Variants in EIF5A observed in about 807,000 individuals in gnomAD.
EIF5A encodes the protein eukaryotic translation initiation factor 5A.
In EIF5A, 1 loss-of-function variant was observed where a neutral mutation model predicts 16.6. The ratio of observed to expected loss-of-function variants is 0.06; its 90% CI spans 0.02 to 0.28. The LOEUF (loss-of-function observed/expected upper bound fraction) is 0.28. EIF5A is among the 10% of genes least tolerant of loss of function. The probability of loss-of-function intolerance (pLI) is 1.00; values close to 1 mark genes in which losing one functional copy is unlikely to be tolerated. For missense variants in EIF5A, 29 were observed against 196.1 expected (o/e 0.15, Z 5.09); for synonymous variants, 80 against 73.6 (o/e 1.09, Z -0.44).
Position 7,307,655 on chromosome 17 carries a change from G to T in EIF5A, c.-119G>T. On this transcript the variant is annotated 5_prime_UTR_variant, in exon 1 of 6. Transcript: ENST00000336458. ...ACTAAGACCCGTGTGCAGCAGCGGC[G>T]GCGGCGGTAGAGGCGGCGGCGGCGG... 1 of 1,046,210 alleles carries T rather than the reference G, an allele frequency of 9.6e-7. No homozygotes were observed. Among genetic ancestry groups the T allele is most frequent in the Non-Finnish European group, 1.2e-6 (1 of 868,698 alleles). The allele number at this position is 1,046,210 out of a possible 1,614,324, so 64.8% of individuals were successfully genotyped here. A position where few individuals can be genotyped will look rare whatever the true frequency, so the allele number is the denominator to read the frequency against.
chr17:7,310,222 A>C (rs1217887139), intron 2 of EIF5A: 1 of 1,290,558 alleles, frequency 7.7e-7, no homozygotes, highest in Non-Finnish European at 1.0e-6. Flanking sequence ...TCCTGCGTCA[A>C]TTCTGAGCTT....
rs2072861029 is a variant in EIF5A, at chr17:7,312,386, T to G, written c.*576T>G. The G allele has an allele frequency of 4.3e-6, 1 of 232,574 alleles. No homozygotes were observed. The highest frequency in any genetic ancestry group is 5.3e-5 in the Admixed American group (1 of 18,858). 14.4% of individuals were successfully genotyped at this position (232,574 alleles called of 1,614,324 possible). A position where few individuals can be genotyped will look rare whatever the true frequency, so the allele number is the denominator to read the frequency against. On this transcript the variant is annotated 3_prime_UTR_variant, in exon 6 of 6. Transcript: ENST00000336458. ...GCCCTGCCCCCATGGGCTTTACCCTTCCCTGCGGGCTCTCTCCCCGACACA... is the reference window on the plus strand; with the variant it reads ...GCCCTGCCCCCATGGGCTTTACCCTGCCCTGCGGGCTCTCTCCCCGACACA...
intron 2 of EIF5A, chr17:7,310,137 T>C (rs1484595082): frequency 7.6e-7 from 1 of 1,309,886 alleles, no homozygotes; most frequent in Middle Eastern, 2.1e-4. Context: ...TTTCTTCCCT[T>C]GAGCCGTTGT....
At chr17:7,308,532 C>A in intron 1 of EIF5A, 2 of 1,351,722 alleles carry the variant, frequency 1.5e-6, no homozygotes, top group Non-Finnish European at 2.0e-6. Context: ...GCCCCAGGAG[C>A]TTTCCTGAAA....
intron 2 of EIF5A, chr17:7,310,494 C>G: frequency 1.7e-6 from 2 of 1,171,578 alleles, no homozygotes; most frequent in Non-Finnish European, 2.1e-6. Flanking sequence ...TTTGACTTGA[C>G]ATTGATCTTG....
At chr17:7,311,735 A>C (rs555820669) in intron 5 of EIF5A, 84 bp downstream of exon 5, 1 of 1,550,914 alleles carries the variant, frequency 6.4e-7, no homozygotes, top group African/African-American at 1.4e-5. Flanking sequence ...TTTCAGGCTT[A>C]CTTTCTGCCC....
chr17:7,311,225 G>A, intron 3 of EIF5A, 103 bp downstream of exon 3: 6 of 1,576,212 alleles, frequency 3.8e-6, no homozygotes, highest in African/African-American at 1.3e-5. Flanking sequence ...AGAGAGGAGG[G>A]AAATGGCAGG....
At chr17:7,308,604 C>A in intron 1 of EIF5A, 1 of 1,348,566 alleles carries the variant, frequency 7.4e-7, no homozygotes, top group Admixed American at 1.9e-5. Flanking sequence ...AGCTGGGAGG[C>A]CGGAGAAATG....
chr17:7,308,664 G>T, intron 1 of EIF5A: 1 of 1,184,360 alleles, frequency 8.4e-7, no homozygotes, highest in Non-Finnish European at 1.1e-6. Flanking sequence ...CGGCCTGGGT[G>T]GACAGCGCCT....
intron 1 of EIF5A, chr17:7,308,092 C>T (rs2072681756): frequency 5.1e-6 from 5 of 986,152 alleles, no homozygotes; most frequent in South Asian, 8.2e-5. Context: ...GTTGAGGACC[C>T]GGCTCAGCGC....
Position 7,309,814 on chromosome 17 carries a change from C to A in EIF5A, c.165+14C>A. 1 of 1,614,252 alleles carries A rather than the reference C, an allele frequency of 6.2e-7. No homozygotes were observed. Among genetic ancestry groups the A allele is most frequent in the Non-Finnish European group, 8.5e-7 (1 of 1,180,052 alleles). On this transcript the variant is annotated intron_variant, in intron 2 of 5. Coordinates refer to ENST00000336458, the MANE Select transcript of EIF5A (RefSeq NM_001970.5). ...GGCCACGCCAAGGTTAGAATTTCACCTCCGCATCTTGCCTTCCCCATGCCT... is the reference window on the plus strand; with the variant it reads ...GGCCACGCCAAGGTTAGAATTTCACATCCGCATCTTGCCTTCCCCATGCCT...
intron 2 of EIF5A, chr17:7,310,316 C>T (rs2072781150): frequency 7.9e-7 from 1 of 1,273,350 alleles, no homozygotes; most frequent in Non-Finnish European, 1.0e-6. Context: ...CTACCTGCCC[C>T]ATCCCACTCT....
chr17:7,308,283 G>GA (rs2072693374), intron 1 of EIF5A: 13 of 1,103,442 alleles, frequency 1.2e-5, no homozygotes, highest in Non-Finnish European at 7.8e-6. Flanking sequence ...AGGCCGCATG[G>GA]CCAAGCGTGG....
intron 2 of EIF5A, 139 bp from the exon 3 acceptor site, chr17:7,310,879 G>A: frequency 2.8e-6 from 4 of 1,424,026 alleles, no homozygotes; most frequent in Non-Finnish European, 3.7e-6. Flanking sequence ...TTCTTGAGTT[G>A]ACTGGTTCAA....
rs1435032127 is a variant in EIF5A, at chr17:7,311,111, A to C, written c.259A>C (p.Asn87His). 1 of 1,613,774 alleles carries C rather than the reference A, an allele frequency of 6.2e-7. No individual in the cohort carries two copies. The highest frequency in any genetic ancestry group is 8.5e-7 in the Non-Finnish European group (1 of 1,179,804). ...TATGGATGTCCCCAACATCAAAAGGAATGACTTCCAGGTATGTAGATGGTC... is the reference window on the plus strand; with the variant it reads ...TATGGATGTCCCCAACATCAAAAGGCATGACTTCCAGGTATGTAGATGGTC... Reference protein sequence around the residue: ...HNMDVPNIKRNDFQLIGIQDG... With the variant: ...HNMDVPNIKRHDFQLIGIQDG... The change falls in exon 3 of 6, where the codon AAT becomes CAT. Residue 87 changes from asparagine (N) to histidine (H), a missense_variant. Asn to His is a moderately conservative substitution (Grantham distance 68). Coordinates refer to ENST00000336458, the MANE Select transcript of EIF5A (RefSeq NM_001970.5).
upstream of EIF5A, chr17:7,307,089 C>T (rs377272697): frequency 4.4e-6 from 7 of 1,602,464 alleles, no homozygotes; most frequent in African/African-American, 8.0e-5. Flanking sequence ...AAGGCGCCCA[C>T]CCCACAGAGC....
intron 1 of EIF5A, chr17:7,308,662 G>A: frequency 4.9e-6 from 6 of 1,217,060 alleles, no homozygotes; most frequent in African/African-American, 1.6e-5. Flanking sequence ...GTCGGCCTGG[G>A]TGGACAGCGC....
chr17:7,308,324 T>TC (rs943192148), intron 1 of EIF5A: 69 of 1,158,402 alleles, frequency 6.0e-5, no homozygotes, highest in Non-Finnish European at 7.2e-5. Context: ...CGGGGACCCC[T>TC]CCCCCCAGGT....
intron 2 of EIF5A, 90 bp downstream of exon 2, chr17:7,309,890 C>G (rs2072761920): frequency 6.2e-7 from 1 of 1,613,000 alleles, no homozygotes; most frequent in Non-Finnish European, 8.5e-7. Context: ...GCTGACTTTC[C>G]TTTAACTCTG....
Sources: gnomAD v4.1 joint callset for allele counts on GRCh38, gnomAD v4.1.1 for gene constraint, MANE v1.5 for transcripts, NCBI Gene and HGNC (gene_info 2026-07-23, HGNC 2026-07-21) for gene names.